The following DYRK1A variants were observed in gnomAD, a reference collection of about 807,000 sequenced individuals.
DYRK1A encodes dual specificity tyrosine phosphorylation regulated kinase 1A, also known as dual specificity tyrosine-phosphorylation-regulated kinase 1A.
A neutral mutation model predicts 79.7 loss-of-function variants in DYRK1A; 9 were observed. That is an observed-to-expected ratio of 0.11 (90% CI 0.07 to 0.20). The LOEUF (loss-of-function observed/expected upper bound fraction) is 0.20. Among genes scored for constraint, DYRK1A ranks in the 10% least tolerant of loss-of-function variants. DYRK1A has a pLI of 1.00. For missense variants in DYRK1A, 622 were observed against 956.0 expected (o/e 0.65, Z 4.61); for synonymous variants, 349 against 329.7 (o/e 1.06, Z -0.63).
intron 1 of DYRK1A, chr21:37,368,128 C>A (rs1282239886): frequency 6.5e-6 from 1 of 153,226 alleles, no homozygotes; most frequent in African/African-American, 2.4e-5. Context: ...CGGGCGCCGG[C>A]GAAGGTCGGG....
chr21:37,509,980 C>CTAG (rs1569403160), intron 11 of DYRK1A, among the ~76,000 whole-genome samples: 5 of 152,178 alleles, frequency 3.3e-5, no homozygotes, highest in Admixed American at 2.6e-4. Flanking sequence ...TCTAGCATGT[C>CTAG]CACACAGTAG....
chr21:37,452,757 G>GTTTT (rs35209884), intron 2 of DYRK1A, among the ~76,000 whole-genome samples: 3 of 96,548 alleles, frequency 3.1e-5, no homozygotes, highest in Non-Finnish European at 4.1e-5. Context: ...TCACACTCCC[G>GTTTT]TTTTTTTTTT....
chr21:37,489,689 A>G (rs2053010188), intron 6 of DYRK1A, among the ~76,000 whole-genome samples: 1 of 152,080 alleles, frequency 6.6e-6, no homozygotes, highest in South Asian at 2.1e-4. Context: ...AGTGAAATCT[A>G]AAGTTCAGCA....
At chr21:37,387,792 T>G (rs933662283) in intron 1 of DYRK1A, among the ~76,000 whole-genome samples, 1 of 152,230 alleles carries the variant, frequency 6.6e-6, no homozygotes, top group Non-Finnish European at 1.5e-5. Flanking sequence ...CTGCTTTCAT[T>G]TTTAAAAGTT....
chr21:37,403,841 A>G (rs141339645), intron 1 of DYRK1A, among the ~76,000 whole-genome samples: 1 of 149,810 alleles, frequency 6.7e-6, no homozygotes, highest in East Asian at 1.9e-4. Context: ...TTTTTGTTCT[A>G]AAGTCTGGTT....
In DYRK1A at chr21:37,519,736, G is replaced by GTTTTTTTTTTTTTTTTTTTTTTTTTT. The variant is rs10590534; in HGVS notation, c.*7228_*7229insTTTTTTTTTTTTTTTTTTTTTTTTTT. The GTTTTTTTTTTTTTTTTTTTTTTTTTT allele has an allele frequency of 3.5e-5, 3 of 85,800 alleles. No homozygotes were observed. Among genetic ancestry groups the GTTTTTTTTTTTTTTTTTTTTTTTTTT allele is most frequent in the African/African-American group, 1.5e-4 (3 of 20,612 alleles). 5.3% of individuals were successfully genotyped at this position (85,800 alleles called of 1,614,324 possible). A position where few individuals can be genotyped will look rare whatever the true frequency, so the allele number is the denominator to read the frequency against. On this transcript the variant is annotated 3_prime_UTR_variant, in exon 12 of 12. Transcript: ENST00000647188. The stretch of plus-strand genomic sequence containing the variant: ...AGAGTTTTGAGGTTTGTTGTGGGAA[G>GTTTTTTTTTTTTTTTTTTTTTTTTTT]TTTTTTTTTTTTTTTTTTTTTTTGA...
rs375051244 is a variant in DYRK1A at position 37,462,190 on chromosome 21, C to G, written c.11-10494C>G. Among the ~76,000 whole-genome samples, 44 of 152,244 alleles carry G rather than the reference C, an allele frequency of 2.9e-4. 3 individuals carry two copies. Among genetic ancestry groups the G allele is most frequent in the Admixed American group, 1.8e-3 (27 of 15,282 alleles). ...TGGATTTTTTCCTCCCGAATACAGA[C>G]CACATTTTCTTGCTTCTTGCTGTGC... On this transcript the variant is annotated intron_variant, in intron 2 of 11. Coordinates refer to ENST00000647188, the MANE Select transcript of DYRK1A (RefSeq NM_001347721.2).
At chr21:37,464,715 T>A (rs117416537) in intron 2 of DYRK1A, among the ~76,000 whole-genome samples, 2,415 of 152,290 alleles carry the variant, frequency 0.016, 20 homozygotes, top group Non-Finnish European at 0.024. Context: ...CATATGAAAT[T>A]ACTGTTTTTG....
At chr21:37,479,831 G>C (rs2052571025) in intron 4 of DYRK1A, among the ~76,000 whole-genome samples, 1 of 151,654 alleles carries the variant, frequency 6.6e-6, no homozygotes, top group Admixed American at 6.6e-5. Flanking sequence ...GTTTCACCGT[G>C]TTAGCCAGGA....
intron 3 of DYRK1A, among the ~76,000 whole-genome samples, chr21:37,476,824 C>CCT (rs1555978498): frequency 6.9e-6 from 1 of 145,836 alleles, no homozygotes; most frequent in Non-Finnish European, 1.5e-5. Context: ...GGGTTCCCCC[C>CCT]CCCCCCAACC....
At chr21:37,431,180 G>GT (rs1412792817) in intron 2 of DYRK1A, among the ~76,000 whole-genome samples, 3 of 152,300 alleles carry the variant, frequency 2.0e-5, no homozygotes, top group Admixed American at 2.0e-4. Flanking sequence ...TCTATCCAGT[G>GT]TTCTAGATTT....
At chr21:37,449,767 T>A (rs1259263896) in intron 2 of DYRK1A, among the ~76,000 whole-genome samples, 1 of 152,174 alleles carries the variant, frequency 6.6e-6, no homozygotes, top group African/African-American at 2.4e-5. Flanking sequence ...TCTCCACTTT[T>A]CCCCATAAAT....
chr21:37,375,400 A>G (rs751459454), intron 1 of DYRK1A, among the ~76,000 whole-genome samples: 1 of 151,398 alleles, frequency 6.6e-6, no homozygotes, highest in Admixed American at 6.6e-5. Context: ...TCAAATTACT[A>G]CTTTCCTTTT....
chr21:37,388,097 T>C (rs971610053), intron 1 of DYRK1A, among the ~76,000 whole-genome samples: 1 of 138,608 alleles, frequency 7.2e-6, no homozygotes, highest in African/African-American at 2.7e-5. Context: ...CCTCTTCCCT[T>C]TGATTTTTTT....
At chr21:37,455,330 C>A (rs2051600569) in intron 2 of DYRK1A, among the ~76,000 whole-genome samples, 1 of 151,932 alleles carries the variant, frequency 6.6e-6, no homozygotes, top group South Asian at 2.1e-4. Flanking sequence ...ATTTTGTACC[C>A]TTTTTTCTTA....
chr21:37,436,461 C>T (rs1173447278), intron 2 of DYRK1A, among the ~76,000 whole-genome samples: 1 of 152,088 alleles, frequency 6.6e-6, no homozygotes, highest in Admixed American at 6.6e-5. Flanking sequence ...GGCTTTTTGT[C>T]ACTTGGTTTT....
Position 37,505,457 on chromosome 21 carries a change from T to C in DYRK1A, c.1387T>C (p.Tyr463His), listed in dbSNP as rs1475278294. 6.2e-7 allele frequency: 1 copy of C among 1,614,182 alleles called. No individual in the cohort carries two copies. The change falls in exon 10 of 12, where the codon TAT becomes CAT. Residue 463 changes from tyrosine to histidine, a missense_variant. Physicochemically the swap from Tyr to His is moderately conservative, Grantham distance 83. This residue lies in a region of DYRK1A where 21 missense variants were observed against 62.5 expected (regional missense o/e 0.34). Transcript: ENST00000647188. The part of the protein sequence containing the change: ...YDPKTRIQPY[Y>H]ALQHSFFKKT... ...CCCCAAAACTCGAATTCAACCTTAT[T>C]ATGCTCTGCAGCACAGTTTCTTCAA...
intron 1 of DYRK1A, among the ~76,000 whole-genome samples, chr21:37,394,429 G>T (rs2049924654): frequency 6.6e-6 from 1 of 152,060 alleles, no homozygotes; most frequent in Admixed American, 6.5e-5. Flanking sequence ...CATAAATACA[G>T]ATTTGGGAGT....
chr21:37,405,454 ATGAC>A, intron 1 of DYRK1A, among the ~76,000 whole-genome samples: 1 of 152,284 alleles, frequency 6.6e-6, no homozygotes, highest in Admixed American at 6.5e-5. Flanking sequence ...GCATCTATGC[ATGAC>A]TCCTTCCGTC....
Sources: gnomAD v4.1 joint callset for allele counts (sites outside exome capture counted in the v4.1 genomes callset) on GRCh38, gnomAD v4.1.1 for gene constraint, gnomAD v4.1.1 regional missense constraint, MANE v1.5 for transcripts, NCBI Gene and HGNC (gene_info 2026-07-23, HGNC 2026-07-21) for gene names.